Variants in RBM28 observed in about 807,000 individuals in gnomAD.
RBM28 encodes the protein RNA binding motif protein 28, also known as RNA-binding protein 28.
Under a neutral mutation model 98.3 loss-of-function variants are expected in RBM28, and 78 were observed. That is an observed-to-expected ratio of 0.79 (90% CI 0.66 to 0.96). The LOEUF is 0.96. Among genes scored for constraint, RBM28 ranks in the 40% least tolerant of loss-of-function variants. The pLI is 0.00. For missense variants in RBM28, 838 were observed against 913.0 expected, an observed-to-expected ratio of 0.92 and a Z score of 1.06; for synonymous variants, 306 against 330.9, an observed-to-expected ratio of 0.92 and a Z score of 0.82.
chr7:128,339,211 T>C lies in RBM28; in HGVS notation c.372+16A>G. ...AGCCTTCAAAACATGCAATGTTCAT[T>C]TTCTCTCTCACTTACCTTAAAGCTC... On this transcript the variant is annotated intron_variant, in intron 3 of 18. Coordinates refer to ENST00000223073, the MANE Select transcript of RBM28 (RefSeq NM_018077.3). The C allele has an allele frequency of 6.3e-7, 1 of 1,580,820 alleles. No homozygotes were observed. The highest frequency in any genetic ancestry group is 8.7e-7 in the Non-Finnish European group (1 of 1,149,782).
rs1366513529 is a variant in RBM28, at chr7:128,304,486, TG to T, written c.*6310del. Reference sequence around the variant, plus strand: ...CAGGCTTGGAGTCTTGAGTACCATCTGGGTGGGTGGAGCTGGCACTGGCACG... The same window carrying T: ...CAGGCTTGGAGTCTTGAGTACCATCTGGTGGGTGGAGCTGGCACTGGCACG... On this transcript the variant is annotated 3_prime_UTR_variant, in exon 19 of 19. Coordinates refer to ENST00000223073, the MANE Select transcript of RBM28 (RefSeq NM_018077.3). 1 of 152,188 alleles carries T rather than the reference TG, an allele frequency of 6.6e-6. No homozygotes were observed. The highest frequency in any genetic ancestry group is 2.4e-5 in the African/African-American group (1 of 41,434). 9.4% of individuals were successfully genotyped at this position (152,188 alleles called of 1,614,324 possible). A position where few individuals can be genotyped will look rare whatever the true frequency, so the allele number is the denominator to read the frequency against.
intron 6 of RBM28, 110 bp downstream of exon 6, chr7:128,337,021 C>T: frequency 1.7e-6 from 2 of 1,179,606 alleles, no homozygotes. Flanking sequence ...AGGCAAGAGC[C>T]ACTGCACCCA....
At chr7:128,333,204 A>G (rs1048780442) in intron 9 of RBM28, 86 bp downstream of exon 9, 16 of 1,078,888 alleles carry the variant, frequency 1.5e-5, no homozygotes, top group Non-Finnish European at 2.3e-5. Flanking sequence ...GGGCTAGGTA[A>G]CAGAACTAGT....
In RBM28 at chr7:128,319,775, T is replaced by A. The variant is rs1335736494; in HGVS notation, c.1563+1491A>T. On this transcript the variant is annotated intron_variant, in intron 14 of 18. Coordinates refer to ENST00000223073, the MANE Select transcript of RBM28 (RefSeq NM_018077.3). ...GAGGCCAGGGTAATAGTAACCAGTA[T>A]GACAGAGATATGCAAGGCCAGGCCC... is the stretch of plus-strand genomic sequence containing the variant. 2.6e-5 allele frequency among the ~76,000 whole-genome samples: 4 copies of A among 152,128 alleles called. No homozygotes were observed. In the East Asian group the frequency reaches 7.7e-4, roughly 29 times the overall value.
At chr7:128,335,795 G>A in intron 7 of RBM28, 52 bp downstream of exon 7, 1 of 1,613,802 alleles carries the variant, frequency 6.2e-7, no homozygotes, top group Non-Finnish European at 8.5e-7. Flanking sequence ...TTTCCTCTCG[G>A]AGACAATCTT....
chr7:128,341,411 C>T (rs558011284), intron 1 of RBM28, among the ~76,000 whole-genome samples: 2 of 152,354 alleles, frequency 1.3e-5, no homozygotes, highest in Non-Finnish European at 2.9e-5. Flanking sequence ...AAATACCACA[C>T]ATTTTACATG....
rs745310227 is a variant in RBM28, at chr7:128,314,973, T to C, written c.1836A>G (p.Gln612=). 1.2e-6 allele frequency: 2 copies of C among 1,614,192 alleles called. 1 individual carries two copies. Among genetic ancestry groups the C allele is most frequent in the South Asian group, 2.2e-5 (2 of 91,072 alleles). The change falls in exon 17 of 19, where the codon CAA becomes CAG. Residue 612 remains glutamine (Q), a synonymous_variant. Coordinates refer to ENST00000223073, the MANE Select transcript of RBM28 (RefSeq NM_018077.3). ...GTTGCTGGTCTTTTGCAGGCTCTGG[T>C]TGCCCCTTCTGAGGCTCACCAGTTG... ...KPATGEPQKG[Q]PEPAKDQQQK...
chr7:128,320,334 G>T (rs560368885), intron 14 of RBM28, among the ~76,000 whole-genome samples: 9 of 149,118 alleles, frequency 6.0e-5, no homozygotes, highest in Non-Finnish European at 1.0e-4. Flanking sequence ...TTGGGGGGGG[G>T]GGGGGTGGCG....
chr7:128,317,800 T>C, intron 15 of RBM28, 67 bp from the exon 16 acceptor site: 1 of 1,495,268 alleles, frequency 6.7e-7, no homozygotes, highest in Non-Finnish European at 9.3e-7. Context: ...AGCTGAGTTT[T>C]TCCCCTTCAC....
intron 10 of RBM28, among the ~76,000 whole-genome samples, chr7:128,330,413 G>A (rs936341400): frequency 8.9e-6 from 1 of 111,744 alleles, no homozygotes; most frequent in African/African-American, 3.4e-5. Flanking sequence ...CAAGAGTCTT[G>A]CTCTGTGGCT....
In RBM28 at chr7:128,310,815, G is replaced by A. The variant is rs775869538; in HGVS notation, c.2262C>T (p.Ser754=). ...GCCATCATCAACTATCAAACCATTT[G>A]CTCCTCTTTGCAAGAGGTGCTCCTT... The part of the protein sequence containing the change: ...PSKGAPLAKR[S]KWFDS The change falls in exon 19 of 19, where the codon AGC becomes AGT. Residue 754 remains serine (S), a synonymous_variant. Coordinates refer to ENST00000223073, the MANE Select transcript of RBM28 (RefSeq NM_018077.3). 2.5e-5 allele frequency: 40 copies of A among 1,614,086 alleles called. No homozygotes were observed. Among genetic ancestry groups the A allele is most frequent in the Non-Finnish European group, 3.3e-5 (39 of 1,180,026 alleles).
Position 128,313,190 on chromosome 7 carries a change from T to C in RBM28, c.2130A>G (p.Gln710=), listed in dbSNP as rs7804796. 121,512 of 1,613,736 alleles carry C rather than the reference T, an allele frequency of 0.075. 6,232 individuals are homozygous for C. Among genetic ancestry groups the C allele is most frequent in the African/African-American group, 0.25 (18,572 of 74,956 alleles). Residue 710 remains glutamine (Q), a synonymous_variant, in exon 18 of 19, where the codon CAA becomes CAG. Transcript: ENST00000223073. ...CAGAACTCACCTGCTCGGACGATAA[T>C]TGCTGCTTCTCCTGCTTCCACTGGT... The part of the protein sequence containing the change: ...QINQWKQEKQ[Q]LSSEQVSRKK...
chr7:128,320,325 T>TGG (rs747634206), intron 14 of RBM28, among the ~76,000 whole-genome samples: 2 of 1,442 alleles, frequency 1.4e-3, no homozygotes, highest in Admixed American at 6.3e-3. Context: ...TGCTTGAGCT[T>TGG]GGGGGGGGGG....
At chr7:128,341,018 C>G in intron 1 of RBM28, 1 of 554,834 alleles carries the variant, frequency 1.8e-6, no homozygotes, top group Non-Finnish European at 2.8e-6. Flanking sequence ...TCAACTGTAA[C>G]CCACCTTTGC....
chr7:128,337,019 G>A, intron 6 of RBM28, 112 bp downstream of exon 6: 2 of 1,151,160 alleles, frequency 1.7e-6, no homozygotes, highest in Non-Finnish European at 2.6e-6. Context: ...ACAGGCAAGA[G>A]CCACTGCACC....
Position 128,310,361 on chromosome 7 carries a change from T to C in RBM28, c.*436A>G, listed in dbSNP as rs17151987. On this transcript the variant is annotated 3_prime_UTR_variant, in exon 19 of 19. Coordinates refer to ENST00000223073, the MANE Select transcript of RBM28 (RefSeq NM_018077.3). The stretch of plus-strand genomic sequence containing the variant: ...AATTAGGAATGTCAAAGAATGTTCA[T>C]ACATAATAAAGGAGTCACACATATT... 0.072 allele frequency: 18,016 copies of C among 249,434 alleles called. 879 individuals carry two copies. Among genetic ancestry groups the C allele is most frequent in the African/African-American group, 0.14 (6,184 of 43,822 alleles). 15.5% of individuals were successfully genotyped at this position (249,434 alleles called of 1,614,324 possible).
At chr7:128,324,808 G>A in intron 11 of RBM28, 114 bp from the exon 12 acceptor site, 5 of 1,410,000 alleles carry the variant, frequency 3.5e-6, no homozygotes, top group East Asian at 2.3e-5. Context: ...GAGGTCAGGA[G>A]TTCAAGGCCA....
chr7:128,330,684 T>C, intron 10 of RBM28, 135 bp downstream of exon 10: 1 of 745,680 alleles, frequency 1.3e-6, no homozygotes, highest in Non-Finnish European at 2.4e-6. Flanking sequence ...CCTGGTACTT[T>C]TATAGAACCC....
At position 128,339,679 on chromosome 7, in the gene RBM28, A is replaced by T. The variant is rs1444407608; in HGVS notation, c.231T>A (p.Val77=). ...TFEGCKINVT[V]AKKKLRNKTK... ...TCTTGTTCCTCAGTTTTTTCTTGGC[A>T]ACAGTCACGTTGATCTTGCAACCTT... is the stretch of plus-strand genomic sequence containing the variant. The change falls in exon 2 of 19, where the codon GTT becomes GTA. Residue 77 remains valine (V), a synonymous_variant. Transcript: ENST00000223073. 1 of 1,614,076 alleles carries T rather than the reference A, an allele frequency of 6.2e-7. No homozygotes were observed. Among genetic ancestry groups the T allele is most frequent in the Non-Finnish European group, 8.5e-7 (1 of 1,179,992 alleles).
Sources: allele counts gnomAD v4.1 joint callset (sites outside exome capture counted in the v4.1 genomes callset), GRCh38; gene constraint gnomAD v4.1.1; transcripts MANE v1.5; gene names NCBI Gene and HGNC (gene_info 2026-07-23, HGNC 2026-07-21).